The following RBMS3 variants were observed in gnomAD, a reference collection of about 807,000 sequenced individuals.
The protein encoded by RBMS3 is RNA binding motif single stranded interacting protein 3.
Under a neutral mutation model 66.8 loss-of-function variants are expected in RBMS3, and 27 were observed. The ratio of observed to expected loss-of-function variants is 0.40; its 90% confidence interval spans 0.30 to 0.56. The LOEUF is 0.56. RBMS3 is among the 20% of genes least tolerant of loss of function. The pLI is 0.40. For synonymous variants in RBMS3, 188 were observed against 183.0 expected, an observed-to-expected ratio of 1.03 and a Z score of -0.22; for missense variants, 513 against 549.5, an observed-to-expected ratio of 0.93 and a Z score of 0.66.
chr3:29,614,773 A>C (rs2149139458), intron 4 of RBMS3: 1 of 152,324 alleles, frequency 6.6e-6, no homozygotes, highest in South Asian at 2.1e-4. Flanking sequence ...AAAGTGTGTC[A>C]GTCAAATAAT....
intron 6 of RBMS3, among the ~76,000 whole-genome samples, chr3:29,816,815 G>T (rs892518997): frequency 6.6e-6 from 1 of 152,046 alleles, no homozygotes; most frequent in Non-Finnish European, 1.5e-5. Context: ...AAATAGGTTG[G>T]GTGTGGTGGC....
chr3:29,560,284 A>G (rs952673567), intron 3 of RBMS3, among the ~76,000 whole-genome samples: 5 of 152,166 alleles, frequency 3.3e-5, no homozygotes, highest in Non-Finnish European at 5.9e-5. Context: ...CTGCCAAAAA[A>G]TTTCTTCCCC....
chr3:29,870,186 A>C (rs1415259864), intron 7 of RBMS3, among the ~76,000 whole-genome samples: 2 of 152,174 alleles, frequency 1.3e-5, no homozygotes, highest in Non-Finnish European at 2.9e-5. Context: ...CGTTCTAAAA[A>C]GGAGGTGGAG....
At chr3:29,369,397 C>T (rs117178414) in intron 1 of RBMS3, among the ~76,000 whole-genome samples, 680 of 151,162 alleles carry the variant, frequency 4.5e-3, no homozygotes, top group East Asian at 0.032. Flanking sequence ...TGGCAAAAAC[C>T]GCATTTACTT....
intron 6 of RBMS3, among the ~76,000 whole-genome samples, chr3:29,828,854 A>G (rs930047288): frequency 1.1e-4 from 16 of 152,202 alleles, no homozygotes; most frequent in Admixed American, 9.2e-4. Flanking sequence ...ATCAATTTGC[A>G]TACTTAAGCA....
rs71628521 is a variant in RBMS3, at chr3:29,384,435, T to TAAGAAGAAG, written c.76-50284_76-50276dup. On this transcript the variant is annotated intron_variant, in intron 1 of 14. Transcript: ENST00000383767. ...TATACACCAATAATAATAATAATAA[T>TAAGAAGAAG]AAGAAGAAGAAGAAGAAGAAGAAGA... 5.1e-3 allele frequency among the ~76,000 whole-genome samples: 721 copies of TAAGAAGAAG among 141,090 alleles called. 8 individuals carry two copies. Among genetic ancestry groups the TAAGAAGAAG allele is most frequent in the Admixed American group, 0.021 (290 of 14,042 alleles). The allele number at this position is 141,090 out of a possible 152,430, so 92.6% of individuals were successfully genotyped here. A position where few individuals can be genotyped will look rare whatever the true frequency, so the allele number is the denominator to read the frequency against.
intron 6 of RBMS3, among the ~76,000 whole-genome samples, chr3:29,855,504 C>T (rs1179354333): frequency 6.6e-6 from 1 of 152,128 alleles, no homozygotes; most frequent in Non-Finnish European, 1.5e-5. Context: ...AATGAATATG[C>T]TGCCAAGCTG....
intron 3 of RBMS3, among the ~76,000 whole-genome samples, chr3:29,503,026 G>A (rs1354506879): frequency 6.6e-6 from 1 of 152,082 alleles, no homozygotes; most frequent in Non-Finnish European, 1.5e-5. Flanking sequence ...TACTTACCCA[G>A]TCTCTTTTCT....
At chr3:29,446,238 C>T (rs1350821216) in intron 2 of RBMS3, among the ~76,000 whole-genome samples, 1 of 152,048 alleles carries the variant, frequency 6.6e-6, no homozygotes, top group Non-Finnish European at 1.5e-5. Flanking sequence ...TTAATAGTTC[C>T]AGGTACATGT....
At chr3:29,594,221 T>A (rs1256265653) in intron 4 of RBMS3, among the ~76,000 whole-genome samples, 1 of 152,150 alleles carries the variant, frequency 6.6e-6, no homozygotes, top group Non-Finnish European at 1.5e-5. Flanking sequence ...CCCTTTTTTG[T>A]GGGAGTTGTC....
intron 2 of RBMS3, among the ~76,000 whole-genome samples, chr3:29,439,106 A>G (rs1343324508): frequency 6.6e-6 from 1 of 152,182 alleles, no homozygotes; most frequent in East Asian, 1.9e-4. Context: ...CCAAGGACAA[A>G]GGGCTAAGAA....
intron 3 of RBMS3, among the ~76,000 whole-genome samples, chr3:29,566,434 C>T (rs532785102): frequency 6.6e-6 from 1 of 152,074 alleles, no homozygotes; most frequent in South Asian, 2.1e-4. Flanking sequence ...TTGTGAAGCT[C>T]TACGTAACAC....
At chr3:29,762,006 G>C (rs2055708525) in intron 5 of RBMS3, among the ~76,000 whole-genome samples, 1 of 151,988 alleles carries the variant, frequency 6.6e-6, no homozygotes, top group African/African-American at 2.4e-5. Flanking sequence ...AAAAAGGCCA[G>C]ATATTATCCA....
Position 29,570,164 on chromosome 3 carries a change from G to A in RBMS3, c.308-16950G>A, listed in dbSNP as rs1015914353. ...CTTATAAAATTAGAAAAAATCAATA[G>A]TCATTTTCTTATTTTTGAAATTTTA... On this transcript the variant is annotated intron_variant, in intron 3 of 14. Coordinates refer to ENST00000383767, the MANE Select transcript of RBMS3 (RefSeq NM_001003793.3). Among the ~76,000 whole-genome samples the A allele has an allele frequency of 2.0e-5, 3 of 151,718 alleles. No individual in the cohort carries two copies. In the East Asian group the frequency reaches 5.8e-4, roughly 29 times the overall value.
At chr3:29,826,912 A>G (rs1335566499) in intron 6 of RBMS3, among the ~76,000 whole-genome samples, 1 of 152,196 alleles carries the variant, frequency 6.6e-6, no homozygotes, top group African/African-American at 2.4e-5. Flanking sequence ...TGATGACAAG[A>G]CACATTTCTA....
At chr3:29,286,313 T>C (rs556753690) in intron 1 of RBMS3, among the ~76,000 whole-genome samples, 1 of 151,892 alleles carries the variant, frequency 6.6e-6, no homozygotes, top group Non-Finnish European at 1.5e-5. Flanking sequence ...TTTTCTTAAC[T>C]CCCCCAAGCC....
At chr3:29,520,033 C>T (rs191909628) in intron 3 of RBMS3, among the ~76,000 whole-genome samples, 2 of 152,216 alleles carry the variant, frequency 1.3e-5, no homozygotes, top group Admixed American at 1.3e-4. Context: ...TGTGTATCTG[C>T]AATTCAAATG....
chr3:29,610,220 T>C (rs1202021145), intron 4 of RBMS3, among the ~76,000 whole-genome samples: 1 of 152,072 alleles, frequency 6.6e-6, no homozygotes, highest in Non-Finnish European at 1.5e-5. Flanking sequence ...AGGTACACTC[T>C]AGAATGAATA....
At chr3:29,632,992 A>C (rs974574536) in intron 4 of RBMS3, among the ~76,000 whole-genome samples, 28 of 151,942 alleles carry the variant, frequency 1.8e-4, no homozygotes, top group Non-Finnish European at 2.2e-4. Context: ...TCTCTAAGCA[A>C]ATATTGTACT....
Sources: allele counts gnomAD v4.1 joint callset (sites outside exome capture counted in the v4.1 genomes callset), GRCh38; gene constraint gnomAD v4.1.1; transcripts MANE v1.5; gene names NCBI Gene and HGNC (gene_info 2026-07-23, HGNC 2026-07-21).